PTPRN2: variants seen among roughly 807,000 people sequenced by gnomAD.
The protein encoded by PTPRN2 is protein tyrosine phosphatase receptor type N2.
A neutral mutation model predicts 118.8 loss-of-function variants in PTPRN2; 74 were observed. The observed-to-expected ratio is 0.62, with a 90% CI of 0.52 to 0.76. PTPRN2 has a LOEUF of 0.76. PTPRN2 is among the 30% of genes least tolerant of loss of function. The pLI, the probability that PTPRN2 is intolerant of heterozygous loss-of-function variation, is 0.00. For synonymous variants in PTPRN2, 641 were observed against 608.0 expected (o/e 1.05, Z -0.80); for missense variants, 1,481 against 1,394.4 (o/e 1.06, Z -0.99).
At chr7:158,257,493 C>T (rs1797105795) in intron 3 of PTPRN2, among the ~76,000 whole-genome samples, 1 of 152,224 alleles carries the variant, frequency 6.6e-6, no homozygotes, top group Non-Finnish European at 1.5e-5. Flanking sequence ...TGTATTCAAT[C>T]TGGAACTCTG....
At chr7:157,595,491 G>A (rs556250723) in intron 16 of PTPRN2, among the ~76,000 whole-genome samples, 176 bp from the exon 17 acceptor site, 118 of 143,732 alleles carry the variant, frequency 8.2e-4, no homozygotes, top group Non-Finnish European at 1.3e-3. Flanking sequence ...AGGTTAGGAA[G>A]CCTGGTGTTT....
chr7:158,457,043 TA>T (rs35235191), intron 2 of PTPRN2, among the ~76,000 whole-genome samples: 3 of 151,120 alleles, frequency 2.0e-5, no homozygotes, highest in East Asian at 1.9e-4. Context: ...TTCCATTAAT[TA>T]AAAAAAAAGT....
intron 1 of PTPRN2, among the ~76,000 whole-genome samples, chr7:158,503,956 C>T (rs1196735320): frequency 3.4e-5 from 5 of 149,240 alleles, no homozygotes; most frequent in Non-Finnish European, 1.5e-5. Flanking sequence ...AGCCACACTC[C>T]AGCCTGGGGG....
At chr7:157,960,880 G>T (rs1178749545) in intron 11 of PTPRN2, among the ~76,000 whole-genome samples, 4 of 152,136 alleles carry the variant, frequency 2.6e-5, no homozygotes, top group African/African-American at 9.7e-5. Context: ...GGTGATGGGC[G>T]CCTGTAATCC....
chr7:157,748,786 T>C (rs1284542189), intron 12 of PTPRN2, among the ~76,000 whole-genome samples: 8 of 49,878 alleles, frequency 1.6e-4, no homozygotes, highest in East Asian at 8.8e-4. Context: ...TGTGGGCTGT[T>C]GAGGTGATTC....
intron 2 of PTPRN2, among the ~76,000 whole-genome samples, chr7:158,457,347 T>C (rs76689780): frequency 0.025 from 3,829 of 152,230 alleles, 139 homozygotes; most frequent in African/African-American, 0.076. Flanking sequence ...GCATCTCGGG[T>C]GCAATGTCTC....
intron 9 of PTPRN2, among the ~76,000 whole-genome samples, chr7:158,127,314 GTCCTCCTCTGCTTGCGCCCTGCA>G (rs1817776331): frequency 6.6e-6 from 1 of 151,528 alleles, no homozygotes; most frequent in African/African-American, 2.4e-5. Flanking sequence ...TGCACCCTGC[GTCCTCCTCTGCTTGCGCCCTGCA>G]TCCTCTGCAC....
In PTPRN2 at chr7:157,611,847, C is replaced by T. The variant is rs936375537; in HGVS notation, c.2345-7772G>A. 1.5e-5 allele frequency among the ~76,000 whole-genome samples: 2 copies of T among 137,078 alleles called. No homozygotes were observed. Among genetic ancestry groups the T allele is most frequent in the African/African-American group, 2.8e-5 (1 of 36,022 alleles). The allele number at this position is 137,078 out of a possible 152,430, so 89.9% of individuals were successfully genotyped here. ...GACAGCCGCAGTCATGCTGGGGACA[C>T]GCGGAGGGAGAGCGCCCGTGTGAAG... On this transcript the variant is annotated intron_variant, in intron 15 of 22. Transcript: ENST00000389418. The surrounding 1 kb of genome is among the most constrained non-coding windows in gnomAD (Gnocchi z 5.9).
chr7:158,391,960 G>C (rs946664869), intron 2 of PTPRN2, among the ~76,000 whole-genome samples: 23 of 152,210 alleles, frequency 1.5e-4, no homozygotes, highest in Admixed American at 5.2e-4. Flanking sequence ...TGTGAGTCGA[G>C]AGTCCTCCAC....
At chr7:157,925,134 A>G (rs1283330905) in intron 11 of PTPRN2, among the ~76,000 whole-genome samples, 4 of 138,454 alleles carry the variant, frequency 2.9e-5, no homozygotes, top group African/African-American at 1.1e-4. Flanking sequence ...GTCAGGATGC[A>G]CCTGCATTTA....
At chr7:157,754,379 C>T (rs1801661176) in intron 12 of PTPRN2, among the ~76,000 whole-genome samples, 1 of 152,244 alleles carries the variant, frequency 6.6e-6, no homozygotes, top group Non-Finnish European at 1.5e-5. Context: ...CGGACATGCC[C>T]CGACACTCGG....
At chr7:158,229,837 TAACAGAA>T (rs1329347682) in intron 3 of PTPRN2, among the ~76,000 whole-genome samples, 2 of 151,966 alleles carry the variant, frequency 1.3e-5, no homozygotes, top group East Asian at 3.9e-4. Context: ...AAAGAAACAA[TAACAGAA>T]AACTTCTCAA....
intron 2 of PTPRN2, among the ~76,000 whole-genome samples, chr7:158,369,264 CACAT>C (rs1809771775): frequency 4.4e-5 from 1 of 22,632 alleles, no homozygotes; most frequent in Non-Finnish European, 1.4e-4. Context: ...TATATATACA[CACAT>C]ACACACACAC....
intron 11 of PTPRN2, among the ~76,000 whole-genome samples, chr7:157,919,994 A>C (rs1415727388): frequency 6.6e-6 from 1 of 152,216 alleles, no homozygotes; most frequent in Non-Finnish European, 1.5e-5. Flanking sequence ...CATGTTGTGC[A>C]GGTTTGTAGC....
In PTPRN2 at chr7:157,874,643, C is replaced by A. The variant is rs182393174; in HGVS notation, c.1788+24030G>T. 4.7e-4 allele frequency among the ~76,000 whole-genome samples: 71 copies of A among 152,294 alleles called. No homozygotes were observed. Among genetic ancestry groups the A allele is most frequent in the African/African-American group, 1.7e-3 (70 of 41,556 alleles). On this transcript the variant is annotated intron_variant, in intron 12 of 22. Coordinates refer to ENST00000389418, the MANE Select transcript of PTPRN2 (RefSeq NM_002847.5). This position sits in a 1 kb window ranked among gnomAD's most constrained non-coding sequence, Gnocchi z 5.8. ...AGAAGCGGAGGGGGGCAGAGAAGGC[C>A]GTGCCACCCAGCAGCACAAGGCAGG... is the stretch of plus-strand genomic sequence containing the variant.
intron 3 of PTPRN2, among the ~76,000 whole-genome samples, chr7:158,236,301 TCTC>T (rs1210624335): frequency 6.6e-6 from 1 of 152,068 alleles, no homozygotes; most frequent in African/African-American, 2.4e-5. Context: ...AGCCCCAGCT[TCTC>T]CTCTCCCTTC....
At chr7:157,765,736 CCCAT>C (rs1259714768) in intron 12 of PTPRN2, among the ~76,000 whole-genome samples, 1 of 149,168 alleles carries the variant, frequency 6.7e-6, no homozygotes, top group Admixed American at 6.7e-5. Flanking sequence ...TCACCCTTCA[CCCAT>C]CCATCCATCC....
rs375170152 is a variant in PTPRN2, at chr7:157,813,415, G to A, written c.1788+85258C>T. Among the ~76,000 whole-genome samples, 8 of 152,220 alleles carry A rather than the reference G, an allele frequency of 5.3e-5. No homozygotes were observed. The highest frequency in any genetic ancestry group is 3.4e-3 in the Middle Eastern group (1 of 294). ...CAGAGTCAGAGGCGGACAGGGGTTC[G>A]ATACGCCATTCAGGTCCCCAAAACA... On this transcript the variant is annotated intron_variant, in intron 12 of 22. Coordinates refer to ENST00000389418, the MANE Select transcript of PTPRN2 (RefSeq NM_002847.5). The surrounding 1 kb of genome is among the most constrained non-coding windows in gnomAD (Gnocchi z 4.7).
chr7:157,727,650 G>A (rs1262066907), intron 12 of PTPRN2, among the ~76,000 whole-genome samples: 4 of 152,224 alleles, frequency 2.6e-5, no homozygotes, highest in African/African-American at 9.6e-5. Context: ...GCTAAGAGGC[G>A]TGCACCTAAA....
Sources: allele counts gnomAD v4.1 joint callset (sites outside exome capture counted in the v4.1 genomes callset), GRCh38; gene constraint gnomAD v4.1.1; non-coding constraint Gnocchi (gnomAD v3.1); transcripts MANE v1.5; gene names NCBI Gene and HGNC (gene_info 2026-07-23, HGNC 2026-07-21).